ABCC3: variants seen among roughly 807,000 people sequenced by gnomAD.
The protein encoded by ABCC3 is ATP-binding cassette sub-family C member 3.
Under a neutral mutation model 165.3 loss-of-function variants are expected in ABCC3, and 121 were observed. The observed-to-expected ratio is 0.73, with a 90% CI of 0.63 to 0.85. ABCC3 has a LOEUF of 0.85. Among genes scored for constraint, ABCC3 ranks in the 40% least tolerant of loss-of-function variants. The probability of loss-of-function intolerance (pLI) is 0.00; values close to 1 mark genes in which losing one functional copy is unlikely to be tolerated. For synonymous variants in ABCC3, 733 were observed against 810.1 expected, an observed-to-expected ratio of 0.90 and a Z score of 1.62; for missense variants, 1,869 against 1,964.1, an observed-to-expected ratio of 0.95 and a Z score of 0.92.
rs1356258194 is a variant in ABCC3, at chr17:50,664,610, G to A, written c.1338+499G>A. 5.9e-5 allele frequency: 11 copies of A among 186,878 alleles called. No individual in the cohort carries two copies. In the South Asian group the frequency reaches 1.2e-3, roughly 21 times the overall value. The allele number at this position is 186,878 out of a possible 1,614,324, so 11.6% of individuals were successfully genotyped here. A position where few individuals can be genotyped will look rare whatever the true frequency, so the allele number is the denominator to read the frequency against. Reference sequence around the variant, plus strand: ...CACAGCTACTCAGGAGGCTGAGGCAGGAGAATCGCTTGAACCCAGGAGGCA... The same window carrying A: ...CACAGCTACTCAGGAGGCTGAGGCAAGAGAATCGCTTGAACCCAGGAGGCA... On this transcript the variant is annotated intron_variant, in intron 10 of 30. Coordinates refer to ENST00000285238, the MANE Select transcript of ABCC3 (RefSeq NM_003786.4).
chr17:50,660,446 C>G (rs1458112191), intron 7 of ABCC3, among the ~76,000 whole-genome samples: 1 of 152,150 alleles, frequency 6.6e-6, no homozygotes, highest in African/African-American at 2.4e-5. Context: ...GTTGGAGGAG[C>G]CTGGGGCTGG....
rs145448248 is a variant in ABCC3 at position 50,679,704 on chromosome 17, G to A, written c.3706-94G>A. ...GTCATCCATGGGCTAGGATCCCATG[G>A]ATGGGCACATGATCCAGGAGTCTGA... is the stretch of plus-strand genomic sequence containing the variant. On this transcript the variant is annotated intron_variant, in intron 25 of 30. Transcript: ENST00000285238. The A allele has an allele frequency of 2.6e-3, 3,110 of 1,207,590 alleles. 13 individuals are homozygous for A. The highest frequency in any genetic ancestry group is 2.4e-3 in the Non-Finnish European group (1,970 of 826,014). The allele number at this position is 1,207,590 out of a possible 1,614,324, so 74.8% of individuals were successfully genotyped here.
intron 11 of ABCC3, among the ~76,000 whole-genome samples, chr17:50,667,030 G>A (rs1043338438): frequency 1.3e-5 from 2 of 152,122 alleles, no homozygotes; most frequent in African/African-American, 4.8e-5. Flanking sequence ...AATCAGCCTG[G>A]GCAACAGAGT....
chr17:50,652,628 C>A lies in ABCC3; in HGVS notation c.46-3204C>A, dbSNP rs141768098. Among the ~76,000 whole-genome samples the A allele has an allele frequency of 4.6e-5, 7 of 152,248 alleles. 1 individual carries two copies. The East Asian group carries it at 1.4e-3, about 29-fold the overall frequency. On this transcript the variant is annotated intron_variant, in intron 1 of 30. Transcript: ENST00000285238. ...CTTAAGTTGTCCTCAGCAAAGTTAA[C>A]CCATTTTTCCAAAAATACACATGTT...
chr17:50,655,427 A>AAAAC (rs1967215478), intron 1 of ABCC3, among the ~76,000 whole-genome samples: 1 of 146,930 alleles, frequency 6.8e-6, no homozygotes, highest in African/African-American at 2.5e-5. Context: ...AAAAACAAAA[A>AAAAC]CAAAAAAAAA....
chr17:50,675,370 G>T lies in ABCC3; in HGVS notation c.2608G>T (p.Gly870Cys). Residue 870 changes from glycine (G) to cysteine (C), a missense_variant, in exon 20 of 31, where the codon GGT becomes TGT. By Grantham distance (159) the Gly-to-Cys change is radical (BLOSUM62 -3). Transcript: ENST00000285238. The part of the protein sequence containing the change: ...HLEDSWTALE[G>C]AEDKEALLIE... ...CTCCCACCCTACTGCAGCGTTGGAA[G>T]GTGCAGAGGATAAGGAGGCACTGCT... 1 of 1,611,758 alleles carries T rather than the reference G, an allele frequency of 6.2e-7. No individual in the cohort carries two copies. The highest frequency in any genetic ancestry group is 8.5e-7 in the Non-Finnish European group (1 of 1,178,788).
At chr17:50,687,225 G>GTGT in intron 29 of ABCC3, 5 of 386,528 alleles carry the variant, frequency 1.3e-5, no homozygotes, top group South Asian at 4.7e-5. Context: ...GAGTGAAGCA[G>GTGT]AGAAACATCA....
intron 19 of ABCC3, 89 bp from the exon 20 acceptor site, chr17:50,675,273 C>T (rs1967774305): frequency 3.6e-6 from 3 of 828,102 alleles, no homozygotes; most frequent in Middle Eastern, 2.4e-4. Flanking sequence ...TCCATTGAAC[C>T]CCTTTCATTA....
In ABCC3 at chr17:50,683,711, C is replaced by G; in HGVS notation, c.3909C>G (p.Asp1303Glu). ...CTGTGCGCTACCGGCCGGGCCTAGA[C>G]CTGGTGCTGAGAGACCTGAGTCTGC... is the stretch of plus-strand genomic sequence containing the variant. ...NYSVRYRPGL[D>E]LVLRDLSLHV... The change falls in exon 27 of 31, where the codon GAC becomes GAG. Residue 1303 changes from aspartate to glutamate, a missense_variant. Asp to Glu is a conservative substitution (Grantham distance 45). Transcript: ENST00000285238. 6.2e-7 allele frequency: 1 copy of G among 1,609,108 alleles called. No individual in the cohort carries two copies. Among genetic ancestry groups the G allele is most frequent in the Non-Finnish European group, 8.5e-7 (1 of 1,178,048 alleles).
Position 50,634,923 on chromosome 17 carries a change from C to G in ABCC3, c.-14C>G. The G allele has an allele frequency of 1.6e-6, 2 of 1,254,384 alleles. No homozygotes were observed. The highest frequency in any genetic ancestry group is 1.5e-5 in the African/African-American group (1 of 64,586). 77.7% of individuals were successfully genotyped at this position (1,254,384 alleles called of 1,614,324 possible). ...CGACCGCGCTCGCCTTCCTTGCAGC[C>G]GCGCCTCGGCCCCATGGACGCCCTG... On this transcript the variant is annotated 5_prime_UTR_variant, in exon 1 of 31. Coordinates refer to ENST00000285238, the MANE Select transcript of ABCC3 (RefSeq NM_003786.4).
rs1385610859 is a variant in ABCC3 at position 50,635,231 on chromosome 17, A to G, written c.45+250A>G. Reference sequence around the variant, plus strand: ...CGGCTGCAGCACTGGGGAGCCCGGGAAAGTGAGGAAGAGTGCGCGGCTGGG... The same window carrying G: ...CGGCTGCAGCACTGGGGAGCCCGGGGAAGTGAGGAAGAGTGCGCGGCTGGG... On this transcript the variant is annotated intron_variant, in intron 1 of 30. Coordinates refer to ENST00000285238, the MANE Select transcript of ABCC3 (RefSeq NM_003786.4). 9.6e-6 allele frequency: 6 copies of G among 625,980 alleles called. No homozygotes were observed. In the Admixed American group the frequency reaches 1.1e-4, roughly 11 times the overall value. 38.8% of individuals were successfully genotyped at this position (625,980 alleles called of 1,614,324 possible).
At chr17:50,659,709 G>A (rs532699350) in intron 7 of ABCC3, among the ~76,000 whole-genome samples, 56 of 152,316 alleles carry the variant, frequency 3.7e-4, no homozygotes, top group Non-Finnish European at 7.2e-4. Flanking sequence ...CTGGGGCCGG[G>A]TGTGGTGGCT....
At chr17:50,672,815 T>G (rs897368544) in intron 17 of ABCC3, among the ~76,000 whole-genome samples, 156 bp from the exon 18 acceptor site, 4 of 150,828 alleles carry the variant, frequency 2.7e-5, no homozygotes, top group Non-Finnish European at 4.4e-5. Flanking sequence ...GAGGTTGCAG[T>G]GAGCCAAGAT....
chr17:50,635,288 C>T (rs1483265948), intron 1 of ABCC3: 5 of 621,412 alleles, frequency 8.0e-6, no homozygotes, highest in Non-Finnish European at 5.8e-6. Context: ...CTGGGTGAGT[C>T]GGCTCCATCC....
At position 50,675,771 on chromosome 17, in the gene ABCC3, G is replaced by T; in HGVS notation, c.2855G>T (p.Gly952Val). Reference sequence around the variant, plus strand: ...ACCCAGGAGGAGAAAGCAGCCATTGGCACTGTGAGTCGGTGGGGCAAGAGG... The same window carrying T: ...ACCCAGGAGGAGAAAGCAGCCATTGTCACTGTGAGTCGGTGGGGCAAGAGG... The part of the protein sequence containing the change: ...ALTQEEKAAI[G>V]TVELSVFWDY... The change falls in exon 21 of 31, where the codon GGC (glycine) becomes GTC (valine). Residue 952 changes from glycine (G) to valine (V), a missense_variant. By Grantham distance (109) the Gly-to-Val change is moderately radical. Transcript: ENST00000285238. The T allele has an allele frequency of 1.9e-6, 3 of 1,570,722 alleles. No homozygotes were observed. The highest frequency in any genetic ancestry group is 2.6e-6 in the Non-Finnish European group (3 of 1,157,478).
rs775486053 is a variant in ABCC3 at position 50,687,591 on chromosome 17, A to G, written c.4336A>G (p.Ile1446Val). 1 of 1,614,200 alleles carries G rather than the reference A, an allele frequency of 6.2e-7. No individual in the cohort carries two copies. Among genetic ancestry groups the G allele is most frequent in the Non-Finnish European group, 8.5e-7 (1 of 1,180,040 alleles). Reference sequence around the variant, plus strand: ...CCGAGCCCTGCTCCGCAAGAGCCGCATCCTGGTTTTAGACGAGGCCACAGC... The same window carrying G: ...CCGAGCCCTGCTCCGCAAGAGCCGCGTCCTGGTTTTAGACGAGGCCACAGC... The part of the protein sequence containing the change: ...LARALLRKSR[I>V]LVLDEATAAI... The change falls in exon 30 of 31, where the codon ATC (isoleucine) becomes GTC (valine). Residue 1446 changes from isoleucine (I) to valine (V), a missense_variant. Transcript: ENST00000285238.
chr17:50,657,165 C>G lies in ABCC3; in HGVS notation c.468C>G (p.Ile156Met). 1 of 1,614,102 alleles carries G rather than the reference C, an allele frequency of 6.2e-7. No homozygotes were observed. Among genetic ancestry groups the G allele is most frequent in the Non-Finnish European group, 8.5e-7 (1 of 1,179,968 alleles). Residue 156 changes from isoleucine (I) to methionine (M), a missense_variant, in exon 4 of 31, where the codon ATC (isoleucine) becomes ATG (methionine). Ile to Met is a conservative substitution (Grantham distance 10). Coordinates refer to ENST00000285238, the MANE Select transcript of ABCC3 (RefSeq NM_003786.4). ...CCATCGTCCCATTCCGCTCCAAGAT[C>G]CTTTTAGCCAAGGCAGAGGTAAGGT... is the stretch of plus-strand genomic sequence containing the variant. ...VCAIVPFRSK[I>M]LLAKAEGEIS...
At chr17:50,651,125 T>C (rs1967108890) in intron 1 of ABCC3, among the ~76,000 whole-genome samples, 1 of 150,810 alleles carries the variant, frequency 6.6e-6, no homozygotes, top group Non-Finnish European at 1.5e-5. Flanking sequence ...CCATGGACAT[T>C]AGAAAGTAAG....
In ABCC3 at chr17:50,663,804, C is replaced by T; in HGVS notation, c.1122C>T (p.Ile374=). The change falls in exon 9 of 31, where the codon ATC becomes ATT. Residue 374 remains isoleucine (I), a synonymous_variant. Transcript: ENST00000285238. The part of the protein sequence containing the change: ...SLILQHYYHY[I]FVTGVKFRTG... Reference sequence around the variant, plus strand: ...TCTTACAACACTATTACCACTACATCTTTGTGACTGGGGTGAAGTTTCGTA... The same window carrying T: ...TCTTACAACACTATTACCACTACATTTTTGTGACTGGGGTGAAGTTTCGTA... 6.2e-7 allele frequency: 1 copy of T among 1,614,186 alleles called. No individual in the cohort carries two copies. Among genetic ancestry groups the T allele is most frequent in the Non-Finnish European group, 8.5e-7 (1 of 1,180,044 alleles).
Sources: allele counts gnomAD v4.1 joint callset (sites outside exome capture counted in the v4.1 genomes callset), GRCh38; gene constraint gnomAD v4.1.1; transcripts MANE v1.5; gene names NCBI Gene and HGNC (gene_info 2026-07-23, HGNC 2026-07-21).